CDH13: variants seen among roughly 807,000 people sequenced by gnomAD.
The protein encoded by CDH13 is cadherin 13, also known as cadherin-13.
In CDH13, 24 loss-of-function variants were observed where a neutral mutation model predicts 63.8. The ratio of observed to expected loss-of-function variants is 0.38; its 90% confidence interval spans 0.27 to 0.53. The LOEUF (loss-of-function observed/expected upper bound fraction) is 0.53, where lower values mean the gene tolerates loss of function less well. CDH13 is among the 20% of genes least tolerant of loss of function. CDH13 has a pLI of 0.85. For synonymous variants in CDH13, 503 were observed against 355.3 expected, an observed-to-expected ratio of 1.42 and a Z score of -4.67; for missense variants, 1,049 against 903.1, an observed-to-expected ratio of 1.16 and a Z score of -2.07.
At chr16:82,942,302 C>T (rs906333955) in intron 2 of CDH13, among the ~76,000 whole-genome samples, 1 of 152,150 alleles carries the variant, frequency 6.6e-6, no homozygotes, top group Non-Finnish European at 1.5e-5. Context: ...TGAATTGCAG[C>T]CATAAATCAA....
At chr16:83,536,857 A>T (rs1360142232) in intron 7 of CDH13, among the ~76,000 whole-genome samples, 1 of 152,192 alleles carries the variant, frequency 6.6e-6, no homozygotes, top group Non-Finnish European at 1.5e-5. Context: ...AGAAGAGGTA[A>T]TGGAGGGTCA....
chr16:83,256,647 C>CGG (rs971477618), intron 5 of CDH13, among the ~76,000 whole-genome samples: 54 of 133,936 alleles, frequency 4.0e-4, no homozygotes, highest in African/African-American at 1.5e-3. Flanking sequence ...CTGGCTAACA[C>CGG]GGTGAAACCC....
intron 2 of CDH13, among the ~76,000 whole-genome samples, chr16:82,899,620 C>T (rs988502682): frequency 1.3e-5 from 2 of 151,818 alleles, no homozygotes; most frequent in African/African-American, 2.4e-5. Context: ...TGTGTGTTTG[C>T]GTGTTTTGGA....
intron 4 of CDH13, among the ~76,000 whole-genome samples, chr16:83,185,795 C>T (rs1166693823): frequency 6.6e-6 from 1 of 152,190 alleles, no homozygotes; most frequent in Non-Finnish European, 1.5e-5. Flanking sequence ...TGACAACTTA[C>T]AACAGCTCAT....
intron 5 of CDH13, among the ~76,000 whole-genome samples, chr16:83,277,927 A>G (rs965345153): frequency 1.3e-5 from 2 of 152,212 alleles, no homozygotes; most frequent in African/African-American, 4.8e-5. Flanking sequence ...AAATGTATTT[A>G]AAAAGTAGAT....
chr16:83,307,303 C>A (rs189295458), intron 5 of CDH13, among the ~76,000 whole-genome samples: 3 of 152,290 alleles, frequency 2.0e-5, no homozygotes, highest in Admixed American at 2.0e-4. Flanking sequence ...TTATCCCCAG[C>A]ACGATTATTT....
chr16:83,771,018 T>C (rs552795621), intron 11 of CDH13, among the ~76,000 whole-genome samples: 1 of 152,248 alleles, frequency 6.6e-6, no homozygotes, highest in Admixed American at 6.5e-5. Context: ...TTGGACATTT[T>C]CCTTAATCTG....
At chr16:83,020,762 C>T (rs1031019982) in intron 2 of CDH13, among the ~76,000 whole-genome samples, 3 of 152,190 alleles carry the variant, frequency 2.0e-5, no homozygotes, top group Non-Finnish European at 4.4e-5. Context: ...CTCAGAGGCC[C>T]CCTTCCTCCC....
chr16:83,722,562 C>G (rs1909835922), intron 10 of CDH13, among the ~76,000 whole-genome samples: 1 of 152,184 alleles, frequency 6.6e-6, no homozygotes, highest in African/African-American at 2.4e-5. Context: ...AGATGTTAAA[C>G]ATTTGCCAGT....
intron 2 of CDH13, among the ~76,000 whole-genome samples, chr16:82,898,419 G>C (rs2151236900): frequency 6.6e-6 from 1 of 152,316 alleles, no homozygotes; most frequent in South Asian, 2.1e-4. Flanking sequence ...CGGCTACTCA[G>C]GAGGTGGAGA....
intron 3 of CDH13, among the ~76,000 whole-genome samples, chr16:83,096,251 G>C (rs547051856): frequency 6.2e-4 from 94 of 152,250 alleles, no homozygotes; most frequent in African/African-American, 2.2e-3. Context: ...TTCAGCAACC[G>C]ACCATCATGA....
chr16:82,869,715 A>G (rs1205920433), intron 2 of CDH13, among the ~76,000 whole-genome samples: 1 of 152,204 alleles, frequency 6.6e-6, no homozygotes, highest in Non-Finnish European at 1.5e-5. Flanking sequence ...AGGTGCCAAG[A>G]ACATACCTTG....
intron 5 of CDH13, among the ~76,000 whole-genome samples, chr16:83,228,476 C>T (rs2039907927): frequency 6.6e-6 from 1 of 152,170 alleles, no homozygotes; most frequent in Non-Finnish European, 1.5e-5. Flanking sequence ...TTGTAAAGTC[C>T]ACACGCTAGC....
At chr16:83,286,216 C>A (rs563089640) in intron 5 of CDH13, among the ~76,000 whole-genome samples, 36 of 152,212 alleles carry the variant, frequency 2.4e-4, no homozygotes, top group Non-Finnish European at 4.0e-4. Context: ...TGGACCTTCA[C>A]TCTTCCCACA....
At chr16:83,505,646 C>T (rs528093398) in intron 7 of CDH13, among the ~76,000 whole-genome samples, 32 of 148,126 alleles carry the variant, frequency 2.2e-4, no homozygotes, top group Non-Finnish European at 4.3e-4. Flanking sequence ...CAGGTTCAAG[C>T]GATTCTCCTG....
chr16:83,615,141 T>G (rs1909178722), intron 8 of CDH13, among the ~76,000 whole-genome samples: 1 of 152,150 alleles, frequency 6.6e-6, no homozygotes, highest in African/African-American at 2.4e-5. Context: ...GAAGTAAATA[T>G]ATTTATCCAG....
At chr16:83,466,078 C>G (rs1899270528) in intron 6 of CDH13, among the ~76,000 whole-genome samples, 1 of 152,192 alleles carries the variant, frequency 6.6e-6, no homozygotes, top group Non-Finnish European at 1.5e-5. Context: ...AGGACCACCC[C>G]CCGCAACCCC....
intron 1 of CDH13, among the ~76,000 whole-genome samples, chr16:82,631,260 C>G (rs2150866969): frequency 6.6e-6 from 1 of 152,302 alleles, no homozygotes; most frequent in Admixed American, 6.5e-5. Context: ...TGAGGAAGTT[C>G]TGAAATTTCC....
intron 1 of CDH13, among the ~76,000 whole-genome samples, chr16:82,765,941 T>C (rs1460446222): frequency 6.6e-6 from 1 of 152,184 alleles, no homozygotes; most frequent in African/African-American, 2.4e-5. Flanking sequence ...CATAAAATCA[T>C]CTCTCATAGT....
Sources: gnomAD v4.1 joint callset for allele counts (sites outside exome capture counted in the v4.1 genomes callset) on GRCh38, gnomAD v4.1.1 for gene constraint, MANE v1.5 for transcripts, NCBI Gene and HGNC (gene_info 2026-07-23, HGNC 2026-07-21) for gene names.